CNBD1: variants seen among roughly 807,000 people sequenced by gnomAD.
The protein encoded by CNBD1 is cyclic nucleotide binding domain containing 1.
A neutral mutation model predicts 54.4 loss-of-function variants in CNBD1; 71 were observed. That is an observed-to-expected ratio of 1.30 (90% CI 1.08 to 1.59). The LOEUF (loss-of-function observed/expected upper bound fraction) is 1.59. CNBD1 is among the 40% of genes most tolerant of loss of function. The pLI is 0.00. For missense variants in CNBD1, 659 were observed against 518.0 expected, an observed-to-expected ratio of 1.27 and a Z score of -2.64; for synonymous variants, 182 against 170.7, an observed-to-expected ratio of 1.07 and a Z score of -0.51.
chr8:87,267,407 A>G (rs1386888185), intron 6 of CNBD1, among the ~76,000 whole-genome samples: 2 of 152,200 alleles, frequency 1.3e-5, no homozygotes, highest in Non-Finnish European at 2.9e-5. Context: ...ATTGTGAAGA[A>G]ATAAACATTG....
chr8:86,924,868 C>T (rs927162792), intron 3 of CNBD1, among the ~76,000 whole-genome samples: 6 of 152,172 alleles, frequency 3.9e-5, no homozygotes, highest in Admixed American at 1.3e-4. Flanking sequence ...TATAGCTTGT[C>T]ATATATTCTG....
At chr8:87,077,412 C>CTTTTTTTTTTTTT (rs374931620) in intron 4 of CNBD1, among the ~76,000 whole-genome samples, 4 of 129,586 alleles carry the variant, frequency 3.1e-5, no homozygotes, top group African/African-American at 5.7e-5. Flanking sequence ...TCTTCTTCTT[C>CTTTTTTTTTTTTT]TTTTTTTTTT....
chr8:87,330,512 A>T (rs771367510), intron 8 of CNBD1, among the ~76,000 whole-genome samples: 2 of 152,058 alleles, frequency 1.3e-5, no homozygotes, highest in Non-Finnish European at 2.9e-5. Context: ...AACATATTTG[A>T]AAATTTCTCT....
At chr8:87,338,480 T>TGTTG (rs111415503) in intron 8 of CNBD1, among the ~76,000 whole-genome samples, 5 of 151,996 alleles carry the variant, frequency 3.3e-5, no homozygotes, top group African/African-American at 1.2e-4. Context: ...TTGTTGTTGT[T>TGTTG]TTGTTTTGTT....
chr8:87,340,558 C>A (rs1468795757), intron 8 of CNBD1, among the ~76,000 whole-genome samples: 1 of 152,070 alleles, frequency 6.6e-6, no homozygotes, highest in Non-Finnish European at 1.5e-5. Context: ...TTGATGATAT[C>A]CATAAATCAT....
intron 1 of CNBD1, among the ~76,000 whole-genome samples, chr8:86,869,562 TTTC>T (rs1191671253): frequency 8.5e-5 from 13 of 152,228 alleles, no homozygotes; most frequent in Non-Finnish European, 1.6e-4. Flanking sequence ...CTTGTGGTTC[TTTC>T]TTCTTTGAAA....
At chr8:86,894,625 C>T (rs1482329492) in intron 2 of CNBD1, among the ~76,000 whole-genome samples, 3 of 152,028 alleles carry the variant, frequency 2.0e-5, no homozygotes, top group African/African-American at 4.8e-5. Flanking sequence ...CATGTAATGA[C>T]GTGTGTTCAA....
chr8:87,286,682 T>A lies in CNBD1; in HGVS notation c.1042+11T>A. 6.5e-7 allele frequency: 1 copy of A among 1,528,902 alleles called. No homozygotes were observed. The highest frequency in any genetic ancestry group is 1.7e-4 in the Middle Eastern group (1 of 5,936). 94.7% of individuals were successfully genotyped at this position (1,528,902 alleles called of 1,614,324 possible). A position where few individuals can be genotyped will look rare whatever the true frequency, so the allele number is the denominator to read the frequency against. ...TTCCTCCAGGTCATGGTAAGTTTAA[T>A]GCAATTTAGATCATTTTGTTTGCAT... is the stretch of plus-strand genomic sequence containing the variant. On this transcript the variant is annotated intron_variant, in intron 8 of 10. Coordinates refer to ENST00000518476, the MANE Select transcript of CNBD1 (RefSeq NM_173538.3).
At chr8:87,370,438 A>G (rs1295430924) in intron 10 of CNBD1, among the ~76,000 whole-genome samples, 41 of 151,924 alleles carry the variant, frequency 2.7e-4, no homozygotes, top group Admixed American at 2.5e-3. Context: ...GTGAGATGGT[A>G]TCTCATTGTG....
chr8:87,085,048 TTTAG>T (rs947098377), intron 4 of CNBD1, among the ~76,000 whole-genome samples: 3 of 152,176 alleles, frequency 2.0e-5, no homozygotes, highest in Admixed American at 6.5e-5. Flanking sequence ...CTTTGATTCC[TTTAG>T]TTATTTTTGA....
At chr8:87,091,139 CAA>C (rs751329879) in intron 4 of CNBD1, among the ~76,000 whole-genome samples, 1,569 of 73,962 alleles carry the variant, frequency 0.021, 15 homozygotes, top group African/African-American at 0.073. Flanking sequence ...GACTCTGTCT[CAA>C]AAAAAAAAAA....
At chr8:87,371,588 A>G (rs181483612) in intron 10 of CNBD1, among the ~76,000 whole-genome samples, 70 of 152,154 alleles carry the variant, frequency 4.6e-4, no homozygotes, top group African/African-American at 1.4e-3. Context: ...GAAATCCTCA[A>G]TAAAATACTG....
intron 10 of CNBD1, among the ~76,000 whole-genome samples, chr8:87,367,251 C>G (rs1198716519): frequency 6.6e-6 from 1 of 152,022 alleles, no homozygotes; most frequent in Non-Finnish European, 1.5e-5. Flanking sequence ...TGTCAACTAG[C>G]TTTTCTCTTA....
At chr8:87,299,496 C>T (rs1808943505) in intron 8 of CNBD1, among the ~76,000 whole-genome samples, 1 of 152,154 alleles carries the variant, frequency 6.6e-6, no homozygotes, top group Non-Finnish European at 1.5e-5. Context: ...ATAGATCTTC[C>T]TTAGTTTTCA....
In CNBD1 at chr8:86,925,600, A is replaced by T. The variant is rs969891283; in HGVS notation, c.273-13996A>T. ...GATTTTGGGAACTGATAAAGGAAAA[A>T]AGTTTGTAAGAGCTATAATACAGGA... On this transcript the variant is annotated intron_variant, in intron 3 of 10. Transcript: ENST00000518476. 5.3e-5 allele frequency among the ~76,000 whole-genome samples: 8 copies of T among 151,066 alleles called. No homozygotes were observed. In the East Asian group the frequency reaches 5.9e-4, roughly 11 times the overall value.
At chr8:87,225,383 T>C (rs1242992284) in intron 5 of CNBD1, among the ~76,000 whole-genome samples, 1 of 151,290 alleles carries the variant, frequency 6.6e-6, no homozygotes, top group Non-Finnish European at 1.5e-5. Flanking sequence ...TGTGGGTTTG[T>C]CATAGCTCTT....
intron 2 of CNBD1, among the ~76,000 whole-genome samples, chr8:87,414,888 G>A (rs1490889109): frequency 6.6e-6 from 1 of 152,036 alleles, no homozygotes; most frequent in Non-Finnish European, 1.5e-5. Context: ...GATAAACACA[G>A]AGCTTCACAG....
chr8:87,398,681 G>A (rs576154858), intron 2 of CNBD1, among the ~76,000 whole-genome samples: 17 of 152,004 alleles, frequency 1.1e-4, no homozygotes, highest in South Asian at 6.2e-4. Flanking sequence ...GTCTCAGGGA[G>A]GCCTATATGG....
chr8:87,365,780 A>G (rs901721309), intron 10 of CNBD1, among the ~76,000 whole-genome samples: 7 of 152,090 alleles, frequency 4.6e-5, no homozygotes, highest in African/African-American at 9.6e-5. Flanking sequence ...CTATTAAAAT[A>G]TAATCAGAAG....
Sources: gnomAD v4.1 joint callset for allele counts (sites outside exome capture counted in the v4.1 genomes callset) on GRCh38, gnomAD v4.1.1 for gene constraint, MANE v1.5 for transcripts, NCBI Gene and HGNC (gene_info 2026-07-23, HGNC 2026-07-21) for gene names.